The following CREB3L2 variants were observed in gnomAD, a reference collection of about 807,000 sequenced individuals.
CREB3L2 encodes cyclic AMP-responsive element-binding protein 3-like protein 2.
A neutral mutation model predicts 57.2 loss-of-function variants in CREB3L2; 23 were observed. That is an observed-to-expected ratio of 0.40 (90% CI 0.29 to 0.57). The LOEUF (loss-of-function observed/expected upper bound fraction) is 0.57. Among genes scored for constraint, CREB3L2 ranks in the 20% least tolerant of loss-of-function variants. The pLI is 0.42. For missense variants in CREB3L2, 628 were observed against 634.7 expected (o/e 0.99, Z 0.11); for synonymous variants, 268 against 265.1 (o/e 1.01, Z -0.11).
At chr7:137,932,796 C>T (rs1800681439) in intron 1 of CREB3L2, among the ~76,000 whole-genome samples, 1 of 152,208 alleles carries the variant, frequency 6.6e-6, no homozygotes, top group Non-Finnish European at 1.5e-5. Flanking sequence ...AAACTTCAGA[C>T]AGACGCTGGG....
Position 137,915,946 on chromosome 7 carries a change from G to A in CREB3L2, c.386C>T (p.Pro129Leu), listed in dbSNP as rs1206252117. The change falls in exon 3 of 12, where the codon CCA becomes CTA. Residue 129 changes from proline (P) to leucine (L), a missense_variant. Pro to Leu is a moderately conservative substitution (Grantham distance 98). Coordinates refer to ENST00000330387, the MANE Select transcript of CREB3L2 (RefSeq NM_194071.4). ...TCCTGGGGGTGGTTCGTCTGTAACT[G>A]GCTCTGTCTTGATGGATGTTGAAGG... ...DFPSTSIKTE[P>L]VTDEPPPGLV... The A allele has an allele frequency of 6.2e-7, 1 of 1,613,982 alleles. No individual in the cohort carries two copies. The highest frequency in any genetic ancestry group is 1.7e-5 in the Admixed American group (1 of 60,016).
At chr7:137,882,129 A>G (rs1231092467) in intron 11 of CREB3L2, among the ~76,000 whole-genome samples, 2 of 152,170 alleles carry the variant, frequency 1.3e-5, no homozygotes, top group Non-Finnish European at 2.9e-5. Context: ...GGATGGAGAC[A>G]GTGGGGGAAG....
chr7:137,986,313 G>A (rs953789834), intron 1 of CREB3L2, among the ~76,000 whole-genome samples: 1 of 152,200 alleles, frequency 6.6e-6, no homozygotes, highest in Non-Finnish European at 1.5e-5. Context: ...TTTGTTAGAC[G>A]AGAAAACAGA....
chr7:137,960,925 T>C (rs1042140862), intron 1 of CREB3L2, among the ~76,000 whole-genome samples: 3 of 148,060 alleles, frequency 2.0e-5, no homozygotes, highest in African/African-American at 7.4e-5. Flanking sequence ...GTGATTCTCC[T>C]ACCTCAGCCT....
chr7:137,975,143 G>A (rs745415654), intron 1 of CREB3L2, among the ~76,000 whole-genome samples: 11 of 152,156 alleles, frequency 7.2e-5, no homozygotes, highest in Non-Finnish European at 1.3e-4. Flanking sequence ...TACTTTAAAA[G>A]ATGAAAGGGC....
chr7:137,963,240 T>C (rs905711142), intron 1 of CREB3L2, among the ~76,000 whole-genome samples: 1 of 152,190 alleles, frequency 6.6e-6, no homozygotes, highest in African/African-American at 2.4e-5. Context: ...AAGCCAGAAT[T>C]TACCTGCTCT....
At chr7:137,930,869 T>C (rs1800600215) in intron 1 of CREB3L2, among the ~76,000 whole-genome samples, 1 of 151,328 alleles carries the variant, frequency 6.6e-6, no homozygotes, top group South Asian at 2.1e-4. Context: ...CATAATGAAA[T>C]ATTGTAAGCA....
intron 1 of CREB3L2, among the ~76,000 whole-genome samples, chr7:137,981,278 G>T (rs1003008277): frequency 6.6e-6 from 1 of 152,214 alleles, no homozygotes; most frequent in Non-Finnish European, 1.5e-5. Flanking sequence ...CATGGCAAAG[G>T]CCTCCAGCAT....
chr7:137,906,944 C>T (rs1799902430), intron 5 of CREB3L2, among the ~76,000 whole-genome samples: 1 of 152,112 alleles, frequency 6.6e-6, no homozygotes, highest in Non-Finnish European at 1.5e-5. Context: ...TGCCCAATCT[C>T]GGGTATGTCT....
intron 1 of CREB3L2, among the ~76,000 whole-genome samples, chr7:137,932,580 C>A (rs1800674334): frequency 6.6e-6 from 1 of 151,516 alleles, no homozygotes; most frequent in Non-Finnish European, 1.5e-5. Context: ...AAAAAATAAA[C>A]AACAACAACA....
At chr7:137,970,827 T>G (rs1457624199) in intron 1 of CREB3L2, among the ~76,000 whole-genome samples, 1 of 152,200 alleles carries the variant, frequency 6.6e-6, no homozygotes, top group Non-Finnish European at 1.5e-5. Flanking sequence ...CTAAAAAGAA[T>G]GTCTGGAACC....
At chr7:137,940,191 C>A (rs1268001750) in intron 1 of CREB3L2, among the ~76,000 whole-genome samples, 1 of 152,170 alleles carries the variant, frequency 6.6e-6, no homozygotes, top group Non-Finnish European at 1.5e-5. Flanking sequence ...GTATCTTCCA[C>A]TCTCTTAAAC....
intron 1 of CREB3L2, among the ~76,000 whole-genome samples, chr7:137,938,504 C>A (rs996989371): frequency 1.4e-4 from 22 of 152,046 alleles, no homozygotes; most frequent in African/African-American, 5.1e-4. Context: ...CGCCACCACG[C>A]CCAGCTAATT....
intron 8 of CREB3L2, among the ~76,000 whole-genome samples, chr7:137,892,139 A>G (rs1799538967): frequency 6.6e-6 from 1 of 152,120 alleles, no homozygotes; most frequent in African/African-American, 2.4e-5. Context: ...TATGTTTTTA[A>G]TGAAATGGAG....
At chr7:137,971,446 TC>T (rs763085985) in intron 1 of CREB3L2, among the ~76,000 whole-genome samples, 5 of 117,962 alleles carry the variant, frequency 4.2e-5, no homozygotes. Flanking sequence ...CGAGACTCCG[TC>T]TCAAAAAAAA....
At chr7:137,916,753 G>A (rs1563251127) in intron 2 of CREB3L2, among the ~76,000 whole-genome samples, 1 of 151,666 alleles carries the variant, frequency 6.6e-6, no homozygotes, top group African/African-American at 2.4e-5. Flanking sequence ...GGAGGGGGAG[G>A]GGGAGCGAGA....
At chr7:137,999,007 T>G (rs1383878666) in intron 1 of CREB3L2, among the ~76,000 whole-genome samples, 1 of 152,148 alleles carries the variant, frequency 6.6e-6, no homozygotes, top group Non-Finnish European at 1.5e-5. Flanking sequence ...CTTGGAAAGT[T>G]TTATGAAATC....
intron 10 of CREB3L2, among the ~76,000 whole-genome samples, chr7:137,882,884 C>A (rs538320385): frequency 6.7e-6 from 1 of 149,652 alleles, no homozygotes; most frequent in Non-Finnish European, 1.5e-5. Context: ...AACTACCACC[C>A]CCACTGCTTT....
chr7:137,913,831 T>A (rs1325403850), intron 3 of CREB3L2, among the ~76,000 whole-genome samples: 4 of 152,168 alleles, frequency 2.6e-5, no homozygotes, highest in African/African-American at 9.7e-5. Context: ...CAGAATTTAG[T>A]TGTAGAGCGT....
Sources: allele counts gnomAD v4.1 joint callset (sites outside exome capture counted in the v4.1 genomes callset), GRCh38; gene constraint gnomAD v4.1.1; transcripts MANE v1.5; gene names NCBI Gene and HGNC (gene_info 2026-07-23, HGNC 2026-07-21).